CACNG4: variants seen among roughly 807,000 people sequenced by gnomAD.
CACNG4 encodes the protein voltage-dependent calcium channel gamma-4 subunit.
In CACNG4, 8 loss-of-function variants were observed where a neutral mutation model predicts 22.9. That is an observed-to-expected ratio of 0.35 (90% CI 0.21 to 0.63). CACNG4 has a LOEUF of 0.63. Among genes scored for constraint, CACNG4 ranks in the 30% least tolerant of loss-of-function variants. The pLI is 0.72. For synonymous variants in CACNG4, 188 were observed against 191.9 expected, an observed-to-expected ratio of 0.98 and a Z score of 0.17; for missense variants, 357 against 455.4, an observed-to-expected ratio of 0.78 and a Z score of 1.97.
chr17:66,974,694 A>G (rs1239347240), intron 1 of CACNG4, among the ~76,000 whole-genome samples: 1 of 152,120 alleles, frequency 6.6e-6, no homozygotes, highest in Non-Finnish European at 1.5e-5. Flanking sequence ...GGAGACAATG[A>G]CAGACTGAGC....
chr17:67,011,064 C>T (rs116435252), intron 1 of CACNG4, among the ~76,000 whole-genome samples: 78 of 152,294 alleles, frequency 5.1e-4, no homozygotes, highest in African/African-American at 1.8e-3. Context: ...TGGTAAAGTT[C>T]GCATTGCTGG....
At chr17:66,975,508 TG>T (rs1360465232) in intron 1 of CACNG4, among the ~76,000 whole-genome samples, 3 of 152,204 alleles carry the variant, frequency 2.0e-5, no homozygotes, top group Admixed American at 2.0e-4. Flanking sequence ...GAATCAACCC[TG>T]GGGTTGTGAA....
At chr17:66,973,899 A>C (rs2035219983) in intron 1 of CACNG4, among the ~76,000 whole-genome samples, 1 of 152,178 alleles carries the variant, frequency 6.6e-6, no homozygotes. Flanking sequence ...AGACTCCGGG[A>C]AGTGCTGCGC....
intron 1 of CACNG4, among the ~76,000 whole-genome samples, chr17:67,013,770 G>A (rs1027560651): frequency 5.3e-5 from 8 of 151,150 alleles, no homozygotes; most frequent in Non-Finnish European, 8.8e-5. Context: ...ATGCCATTGC[G>A]CTCCAACCTG....
At chr17:67,017,023 G>A (rs2143353049) in intron 1 of CACNG4, among the ~76,000 whole-genome samples, 1 of 152,248 alleles carries the variant, frequency 6.6e-6, no homozygotes, top group South Asian at 2.1e-4. Context: ...CATTGAGTGA[G>A]GGGATTGGAA....
intron 1 of CACNG4, among the ~76,000 whole-genome samples, chr17:66,971,569 T>C (rs112012667): frequency 6.6e-6 from 1 of 152,146 alleles, no homozygotes; most frequent in African/African-American, 2.4e-5. Flanking sequence ...TGCAGATTTA[T>C]GTTACGGTGA....
At chr17:67,028,421 C>G (rs1018922482) in intron 3 of CACNG4, among the ~76,000 whole-genome samples, 5 of 152,082 alleles carry the variant, frequency 3.3e-5, no homozygotes, top group Non-Finnish European at 5.9e-5. Context: ...GGCATGGTGG[C>G]GGGTGCCTGT....
At chr17:66,990,304 A>T (rs1051260630) in intron 1 of CACNG4, among the ~76,000 whole-genome samples, 1 of 152,196 alleles carries the variant, frequency 6.6e-6, no homozygotes, top group African/African-American at 2.4e-5. Flanking sequence ...CCCCCTTGGC[A>T]GTTCACTGCA....
At chr17:66,982,326 T>C (rs1201132196) in intron 1 of CACNG4, among the ~76,000 whole-genome samples, 1 of 152,330 alleles carries the variant, frequency 6.6e-6, no homozygotes, top group South Asian at 2.1e-4. Flanking sequence ...AGAGTGCTGA[T>C]TGATCTATTT....
At chr17:66,998,946 C>T (rs754565357) in intron 1 of CACNG4, among the ~76,000 whole-genome samples, 11 of 152,186 alleles carry the variant, frequency 7.2e-5, no homozygotes, top group African/African-American at 9.7e-5. Flanking sequence ...GCTAGGCCTC[C>T]CTCAGCTCCT....
chr17:66,988,365 G>A (rs55687629), intron 1 of CACNG4, among the ~76,000 whole-genome samples: 7,787 of 152,230 alleles, frequency 0.051, 655 homozygotes, highest in African/African-American at 0.18. Flanking sequence ...AACAGCCGCC[G>A]GCAAGCAGGA....
chr17:66,965,051 C>T lies in CACNG4; in HGVS notation c.140C>T (p.Thr47Ile), dbSNP rs1445467751. 1.2e-6 allele frequency: 2 copies of T among 1,605,750 alleles called. No individual in the cohort carries two copies. The highest frequency in any genetic ancestry group is 1.7e-5 in the Admixed American group (1 of 59,498). ...CACATCTGCAACGGCACCAACCTGA[C>T]CATGGACGACGGGCCCCCGCCCCGC... ...SAHICNGTNL[T>I]MDDGPPPRRA... The change falls in exon 1 of 4, where the codon ACC (threonine) becomes ATC (isoleucine). Residue 47 changes from threonine to isoleucine, a missense_variant. Around this residue, in one of 3 missense-constraint regions of CACNG4, gnomAD observed 114 missense variants for 161.6 expected, o/e 0.71. Transcript: ENST00000262138.
rs1454557584 is a variant in CACNG4, at chr17:67,027,454, A to G, written c.445+2454A>G. On this transcript the variant is annotated intron_variant, in intron 3 of 3. Transcript: ENST00000262138. The surrounding 1 kb of genome is among the most constrained non-coding windows in gnomAD (Gnocchi z 4.3). ...GGCACTGATGGGGACTGAGCAGGGC[A>G]GCAGGCACTGAGTCATGTGTGGGGC... Among the ~76,000 whole-genome samples the G allele has an allele frequency of 6.6e-6, 1 of 152,218 alleles. No homozygotes were observed. Among genetic ancestry groups the G allele is most frequent in the Middle Eastern group, 3.2e-3 (1 of 316 alleles).
At chr17:66,979,632 G>C (rs186756883) in intron 1 of CACNG4, among the ~76,000 whole-genome samples, 4 of 151,932 alleles carry the variant, frequency 2.6e-5, no homozygotes, top group East Asian at 1.9e-4. Context: ...GTGATGCAGA[G>C]AGGAAAAAAT....
chr17:66,990,830 G>A (rs556791518), intron 1 of CACNG4, among the ~76,000 whole-genome samples: 12 of 151,950 alleles, frequency 7.9e-5, no homozygotes, highest in African/African-American at 2.4e-4. Context: ...ACAGGCGCCC[G>A]CCACCATGCC....
At chr17:66,974,960 C>G (rs1458288486) in intron 1 of CACNG4, among the ~76,000 whole-genome samples, 1 of 151,708 alleles carries the variant, frequency 6.6e-6, no homozygotes, top group African/African-American at 2.4e-5. Flanking sequence ...TCCCTCCCTC[C>G]CACCCTGACG....
chr17:67,030,916 G>C lies in CACNG4; in HGVS notation c.896G>C (p.Ser299Thr). ...AGCTACAGCCCCGACCAGGAGGCCAGCTTCCTGCAGGTGCATGACTTTTTC... is the reference window on the plus strand; with the variant it reads ...AGCTACAGCCCCGACCAGGAGGCCACCTTCCTGCAGGTGCATGACTTTTTC... The part of the protein sequence containing the change: ...AASYSPDQEA[S>T]FLQVHDFFQQ... The change falls in exon 4 of 4, where the codon AGC (serine) becomes ACC (threonine). Residue 299 changes from serine (S) to threonine (T), a missense_variant. Around this residue, in one of 3 missense-constraint regions of CACNG4, gnomAD observed 240 missense variants for 277.6 expected, o/e 0.86. Coordinates refer to ENST00000262138, the MANE Select transcript of CACNG4 (RefSeq NM_014405.4). The surrounding 1 kb of genome is among the most constrained non-coding windows in gnomAD (Gnocchi z 6.4). 6.2e-7 allele frequency: 1 copy of C among 1,613,176 alleles called. No homozygotes were observed.
intron 1 of CACNG4, among the ~76,000 whole-genome samples, chr17:66,998,418 T>C (rs1032835749): frequency 1.6e-4 from 24 of 152,084 alleles, no homozygotes; most frequent in African/African-American, 5.8e-4. Flanking sequence ...AGATGGGGTC[T>C]CACTCAAACT....
At chr17:67,026,599 T>A (rs1201618825) in intron 3 of CACNG4, among the ~76,000 whole-genome samples, 1 of 141,752 alleles carries the variant, frequency 7.1e-6, no homozygotes, top group African/African-American at 2.7e-5. Context: ...GTCTGAGGAG[T>A]GTGGTGTGTG....
Sources: allele counts gnomAD v4.1 joint callset (sites outside exome capture counted in the v4.1 genomes callset), GRCh38; gene constraint gnomAD v4.1.1; regional missense constraint gnomAD v4.1.1; non-coding constraint Gnocchi (gnomAD v3.1); transcripts MANE v1.5; gene names NCBI Gene and HGNC (gene_info 2026-07-23, HGNC 2026-07-21).